The following DLC1 variants were observed in gnomAD, a reference collection of about 807,000 sequenced individuals.
DLC1 encodes rho GTPase-activating protein 7.
A neutral mutation model predicts 140.3 loss-of-function variants in DLC1; 54 were observed. The ratio of observed to expected loss-of-function variants is 0.38; its 90% CI spans 0.31 to 0.48. DLC1 has a LOEUF of 0.48. Ranked by LOEUF, DLC1 falls within the 20% of genes least tolerant of loss-of-function variation. The pLI, the probability that DLC1 is intolerant of heterozygous loss-of-function variation, is 0.96. For synonymous variants in DLC1, 986 were observed against 728.1 expected (o/e 1.35, Z -5.70); for missense variants, 2,536 against 1,907.0 (o/e 1.33, Z -6.14).
intron 5 of DLC1, among the ~76,000 whole-genome samples, chr8:13,188,843 ATTTTTTTTTTTT>A (rs869162448): frequency 1.3e-4 from 4 of 30,666 alleles, no homozygotes; most frequent in Non-Finnish European, 1.2e-4. Flanking sequence ...ATATATATAT[ATTTTTTTTTTTT>A]TTTTTTTTTT....
At chr8:13,375,251 T>A (rs1835921391) in intron 4 of DLC1, among the ~76,000 whole-genome samples, 1 of 152,054 alleles carries the variant, frequency 6.6e-6, no homozygotes, top group Non-Finnish European at 1.5e-5. Flanking sequence ...ATGGTCTCGA[T>A]CTCCTGACCT....
chr8:13,493,056 C>T (rs1025462249), intron 2 of DLC1, among the ~76,000 whole-genome samples: 5 of 152,188 alleles, frequency 3.3e-5, no homozygotes, highest in Non-Finnish European at 7.3e-5. Flanking sequence ...TGAATTTACA[C>T]ACCAACTAAC....
intron 5 of DLC1, among the ~76,000 whole-genome samples, chr8:13,218,973 C>T (rs10106612): frequency 9.2e-5 from 7 of 76,112 alleles, no homozygotes; most frequent in Admixed American, 1.4e-4. Flanking sequence ...TAATTATATA[C>T]GTATATAACT....
intron 2 of DLC1, among the ~76,000 whole-genome samples, chr8:13,447,994 A>G (rs577407970): frequency 6.6e-6 from 1 of 152,322 alleles, no homozygotes; most frequent in Non-Finnish European, 1.5e-5. Flanking sequence ...ACAGTACAAC[A>G]AAATCTCTGA....
At chr8:13,450,318 G>T (rs1277762941) in intron 2 of DLC1, among the ~76,000 whole-genome samples, 1 of 151,666 alleles carries the variant, frequency 6.6e-6, no homozygotes, top group African/African-American at 2.4e-5. Flanking sequence ...AGCTGGGCAT[G>T]GTGGCGGGTG....
chr8:13,145,484 G>A (rs1010967203), intron 5 of DLC1, among the ~76,000 whole-genome samples: 24 of 152,242 alleles, frequency 1.6e-4, no homozygotes, highest in Non-Finnish European at 3.2e-4. Flanking sequence ...TCACATTAAA[G>A]CTAAACACTA....
At chr8:13,107,004 A>G (rs1427468625) in intron 7 of DLC1, among the ~76,000 whole-genome samples, 2 of 152,226 alleles carry the variant, frequency 1.3e-5, no homozygotes, top group African/African-American at 2.4e-5. Context: ...CAGGATTACC[A>G]TTGAGTATAG....
At position 13,305,254 on chromosome 8, in the gene DLC1, A is replaced by G. The variant is rs1337239067; in HGVS notation, c.1348+15T>C. The stretch of plus-strand genomic sequence containing the variant: ...AATAGATTGGCGAGAAAACAGAACC[A>G]AAATGTCAACTTACCAGCCTTTTCC... On this transcript the variant is annotated intron_variant, in intron 5 of 17. Coordinates refer to ENST00000276297, the MANE Select transcript of DLC1 (RefSeq NM_182643.3). 6.2e-7 allele frequency: 1 copy of G among 1,609,408 alleles called. No individual in the cohort carries two copies. Among genetic ancestry groups the G allele is most frequent in the South Asian group, 1.1e-5 (1 of 89,606 alleles).
chr8:13,109,395 A>G (rs1039555507), intron 7 of DLC1, among the ~76,000 whole-genome samples: 4 of 151,756 alleles, frequency 2.6e-5, no homozygotes, highest in Non-Finnish European at 5.9e-5. Context: ...CATCTCTACA[A>G]AAAATACAAA....
chr8:13,356,779 G>A (rs1834959679), intron 4 of DLC1, among the ~76,000 whole-genome samples: 1 of 151,988 alleles, frequency 6.6e-6, no homozygotes, highest in African/African-American at 2.4e-5. Flanking sequence ...ACAGGAATTG[G>A]GGTCTCCGTA....
rs557359403 is a variant in DLC1, at chr8:13,142,122, A to C, written c.1349-26465T>G. 7.2e-5 allele frequency among the ~76,000 whole-genome samples: 11 copies of C among 152,348 alleles called. No individual in the cohort carries two copies. The East Asian group carries it at 2.1e-3, about 29-fold the overall frequency. ...AGTCGCTCCTGCCGCCTTGTGAAGAAGTTACTTGCTTCTGCTTCAGCTTCC... is the reference window on the plus strand; with the variant it reads ...AGTCGCTCCTGCCGCCTTGTGAAGACGTTACTTGCTTCTGCTTCAGCTTCC... On this transcript the variant is annotated intron_variant, in intron 5 of 17. Transcript: ENST00000276297.
At chr8:13,210,490 A>G (rs184580859) in intron 5 of DLC1, among the ~76,000 whole-genome samples, 2 of 152,342 alleles carry the variant, frequency 1.3e-5, no homozygotes, top group African/African-American at 4.8e-5. Flanking sequence ...AACCCTGCTA[A>G]TAGGTGTAAA....
chr8:13,178,231 A>G (rs930449199), intron 5 of DLC1, among the ~76,000 whole-genome samples: 8 of 152,160 alleles, frequency 5.3e-5, no homozygotes, highest in African/African-American at 1.4e-4. Context: ...AAGTCTTCAT[A>G]GACAACCCAA....
chr8:13,130,339 A>G (rs1294856385), intron 5 of DLC1, among the ~76,000 whole-genome samples: 4 of 152,224 alleles, frequency 2.6e-5, no homozygotes, highest in Admixed American at 6.5e-5. Context: ...TTTAAGTACT[A>G]TATACATTTT....
intron 2 of DLC1, among the ~76,000 whole-genome samples, chr8:13,476,925 T>C (rs879846599): frequency 5.3e-5 from 8 of 152,192 alleles, no homozygotes; most frequent in Admixed American, 2.6e-4. Context: ...GACAGCACAG[T>C]AAGTGAATTT....
At chr8:13,341,870 C>T (rs572129451) in intron 4 of DLC1, 2 of 152,250 alleles carry the variant, frequency 1.3e-5, no homozygotes, top group Admixed American at 6.5e-5. Context: ...ATCAGATTCT[C>T]TAATCACCGG....
intron 1 of DLC1, among the ~76,000 whole-genome samples, chr8:13,521,363 G>A (rs1802760079): frequency 6.6e-6 from 1 of 151,670 alleles, no homozygotes; most frequent in Non-Finnish European, 1.5e-5. Context: ...ATTTACCTAT[G>A]TAACAAACCT....
chr8:13,420,634 T>G (rs956664379), intron 2 of DLC1, among the ~76,000 whole-genome samples: 1 of 152,112 alleles, frequency 6.6e-6, no homozygotes, highest in African/African-American at 2.4e-5. Flanking sequence ...CAACTCTCAC[T>G]TATGAGTGAG....
chr8:13,578,508 C>G (rs1804926371), intron 1 of DLC1, among the ~76,000 whole-genome samples: 1 of 152,086 alleles, frequency 6.6e-6, no homozygotes, highest in Non-Finnish European at 1.5e-5. Context: ...GTTAAGAGCT[C>G]AGTCCTACAA....
Sources: allele counts gnomAD v4.1 joint callset (sites outside exome capture counted in the v4.1 genomes callset), GRCh38; gene constraint gnomAD v4.1.1; transcripts MANE v1.5; gene names NCBI Gene and HGNC (gene_info 2026-07-23, HGNC 2026-07-21).